The following DNAAF9 variants were observed in gnomAD, a reference collection of about 807,000 sequenced individuals.
The protein encoded by DNAAF9 is dynein axonemal assembly factor 9, also known as shulin.
Under a neutral mutation model 167.0 loss-of-function variants are expected in DNAAF9, and 90 were observed. The ratio of observed to expected loss-of-function variants is 0.54; its 90% CI spans 0.45 to 0.64. The LOEUF (loss-of-function observed/expected upper bound fraction) is 0.64. DNAAF9 is among the 30% of genes least tolerant of loss of function. The pLI, the probability that DNAAF9 is intolerant of heterozygous loss-of-function variation, is 0.00. For missense variants in DNAAF9, 1,315 were observed against 1,442.2 expected, an observed-to-expected ratio of 0.91 and a Z score of 1.43; for synonymous variants, 491 against 508.8, an observed-to-expected ratio of 0.96 and a Z score of 0.47.
At chr20:3,307,384 C>T (rs928713806) in intron 20 of DNAAF9, among the ~76,000 whole-genome samples, 3 of 152,162 alleles carry the variant, frequency 2.0e-5, no homozygotes, top group African/African-American at 7.2e-5. Flanking sequence ...TCAGAGCACA[C>T]ATGAGATAAG....
intron 7 of DNAAF9, among the ~76,000 whole-genome samples, chr20:3,355,676 T>G (rs2083275413): frequency 6.6e-6 from 1 of 152,188 alleles, no homozygotes; most frequent in South Asian, 2.1e-4. Flanking sequence ...GAGGAAAAAT[T>G]CATATAGCAA....
chr20:3,384,026 C>G (rs769438967), intron 1 of DNAAF9, among the ~76,000 whole-genome samples: 4 of 152,082 alleles, frequency 2.6e-5, no homozygotes, highest in Non-Finnish European at 5.9e-5. Context: ...TGAACTCGAC[C>G]TCAAGTGATC....
intron 10 of DNAAF9, among the ~76,000 whole-genome samples, chr20:3,335,711 C>CATG (rs2069925888): frequency 7.4e-6 from 1 of 135,218 alleles, no homozygotes; most frequent in East Asian, 2.2e-4. Flanking sequence ...GAGCCGAGAT[C>CATG]ATGCCACTGC....
intron 7 of DNAAF9, among the ~76,000 whole-genome samples, chr20:3,357,644 GTTCAT>G (rs2083305775): frequency 6.6e-6 from 1 of 151,040 alleles, no homozygotes; most frequent in Non-Finnish European, 1.5e-5. Context: ...ATCTTTTACT[GTTCAT>G]TTCATTTTGT....
Position 3,343,596 on chromosome 20 carries a change from T to C in DNAAF9, c.845+80A>G, listed in dbSNP as rs553530239. 115 of 1,029,506 alleles carry C rather than the reference T, an allele frequency of 1.1e-4. 1 individual carries two copies. In the East Asian group the frequency reaches 2.7e-3, roughly 24 times the overall value. The allele number at this position is 1,029,506 out of a possible 1,614,324, so 63.8% of individuals were successfully genotyped here. A position where few individuals can be genotyped will look rare whatever the true frequency, so the allele number is the denominator to read the frequency against. Reference sequence around the variant, plus strand: ...CCTGACTCTAGCTTCTGAACTTGAATGCACCCCCACAGCCAACCCCTTTGC... The same window carrying C: ...CCTGACTCTAGCTTCTGAACTTGAACGCACCCCCACAGCCAACCCCTTTGC... On this transcript the variant is annotated intron_variant, in intron 9 of 36. Transcript: ENST00000252032.
intron 11 of DNAAF9, 113 bp downstream of exon 11, chr20:3,332,167 A>T: frequency 1.6e-6 from 1 of 634,984 alleles, no homozygotes; most frequent in Non-Finnish European, 2.9e-6. Context: ...GAGGCCCACA[A>T]ATTGGGTAAC....
chr20:3,301,270 C>T (rs970851928), intron 21 of DNAAF9, among the ~76,000 whole-genome samples: 15 of 151,688 alleles, frequency 9.9e-5, no homozygotes, highest in Non-Finnish European at 1.9e-4. Context: ...TCACTGAAAC[C>T]TCCGCCTCCC....
chr20:3,332,370 C>T lies in DNAAF9; in HGVS notation c.982-9G>A. On this transcript the variant is annotated splice_polypyrimidine_tract_variant and intron_variant, in intron 10 of 36. Coordinates refer to ENST00000252032, the MANE Select transcript of DNAAF9 (RefSeq NM_001009984.3). ...GAGACACACTGGGCTACCTGGATGT[C>T]AGAAAAAAATAAAAATAAAAAGGGG... The T allele has an allele frequency of 6.5e-7, 1 of 1,530,330 alleles. No individual in the cohort carries two copies. The highest frequency in any genetic ancestry group is 9.0e-7 in the Non-Finnish European group (1 of 1,109,456). The allele number at this position is 1,530,330 out of a possible 1,614,324, so 94.8% of individuals were successfully genotyped here.
Position 3,316,792 on chromosome 20 carries a change from A to G in DNAAF9, c.1470T>C (p.Asp490=), listed in dbSNP as rs975726214. ...LTSQILVKEK[D]GTVTTETSSV... ...AGCTGGTTTCTGTGGTAACAGTGCC[A>G]TCTGCAGGAACACCACACACATGCC... The change falls in exon 18 of 37, where the codon GAT becomes GAC. Residue 490 remains aspartate, a splice_region_variant and synonymous_variant. Coordinates refer to ENST00000252032, the MANE Select transcript of DNAAF9 (RefSeq NM_001009984.3). The G allele has an allele frequency of 3.1e-6, 5 of 1,612,108 alleles. No homozygotes were observed. Among genetic ancestry groups the G allele is most frequent in the Non-Finnish European group, 4.2e-6 (5 of 1,178,684 alleles).
At chr20:3,319,647 C>T (rs945436630) in intron 16 of DNAAF9, among the ~76,000 whole-genome samples, 1 of 152,060 alleles carries the variant, frequency 6.6e-6, no homozygotes, top group Admixed American at 6.6e-5. Context: ...GACGCCTGTC[C>T]CACCCCTTAG....
At position 3,404,346 on chromosome 20, in the gene DNAAF9, T is replaced by C. The variant is rs116316435; in HGVS notation, c.83+3129A>G. 4.1e-3 allele frequency among the ~76,000 whole-genome samples: 622 copies of C among 152,220 alleles called. 8 individuals carry two copies. The highest frequency in any genetic ancestry group is 0.014 in the African/African-American group (594 of 41,536). ...CCACCGTGCCCAGCCTGATTACTAG[T>C]TCTCATCACACTGTCAACAATCTCA... On this transcript the variant is annotated intron_variant, in intron 1 of 36. Coordinates refer to ENST00000252032, the MANE Select transcript of DNAAF9 (RefSeq NM_001009984.3).
chr20:3,287,961 G>A (rs543820979), intron 26 of DNAAF9, among the ~76,000 whole-genome samples, 171 bp from the exon 27 acceptor site: 1 of 152,320 alleles, frequency 6.6e-6, no homozygotes, highest in East Asian at 1.9e-4. Flanking sequence ...GCACTGGATG[G>A]GTTGGAAGCC....
At chr20:3,291,622 C>T (rs1031607622) in intron 25 of DNAAF9, among the ~76,000 whole-genome samples, 8 of 152,176 alleles carry the variant, frequency 5.3e-5, no homozygotes, top group Non-Finnish European at 8.8e-5. Flanking sequence ...GGATTACAGG[C>T]GTGAGCCACC....
At chr20:3,264,355 TTCTC>T (rs779106630) in intron 31 of DNAAF9, 79 bp downstream of exon 31, 71 of 749,106 alleles carry the variant, frequency 9.5e-5, no homozygotes, top group Admixed American at 1.8e-4. Flanking sequence ...TATTTTCACC[TTCTC>T]TCTTTTTTTT....
intron 5 of DNAAF9, among the ~76,000 whole-genome samples, 168 bp from the exon 6 acceptor site, chr20:3,374,322 T>C (rs1440940565): frequency 6.6e-6 from 1 of 152,158 alleles, no homozygotes; most frequent in African/African-American, 2.4e-5. Context: ...AAACTAGAAA[T>C]ACAAAATGAA....
intron 14 of DNAAF9, 117 bp from the exon 15 acceptor site, chr20:3,322,813 C>T (rs978809404): frequency 1.1e-5 from 9 of 796,788 alleles, no homozygotes; most frequent in African/African-American, 3.4e-5. Context: ...GTCATCCTTG[C>T]TTTACACAGA....
At chr20:3,295,762 C>A in intron 23 of DNAAF9, 1 of 715,626 alleles carries the variant, frequency 1.4e-6, no homozygotes, top group South Asian at 1.3e-5. Flanking sequence ...TTCTGGAAGT[C>A]CTCCTTGTCC....
At position 3,298,182 on chromosome 20, in the gene DNAAF9, C is replaced by T. The variant is rs181055528; in HGVS notation, c.1783-7G>A. ...CAACAGTACTGGTGGAATCCTAAAG[C>T]GAAAAGGAGGGAGCATCAGCAAGAA... On this transcript the variant is annotated splice_region_variant and splice_polypyrimidine_tract_variant and intron_variant, in intron 21 of 36. Coordinates refer to ENST00000252032, the MANE Select transcript of DNAAF9 (RefSeq NM_001009984.3). 37 of 1,610,026 alleles carry T rather than the reference C, an allele frequency of 2.3e-5. No individual in the cohort carries two copies. The highest frequency in any genetic ancestry group is 1.7e-4 in the Middle Eastern group (1 of 6,044).
chr20:3,313,705 T>C (rs983628605), intron 20 of DNAAF9, among the ~76,000 whole-genome samples: 8 of 152,146 alleles, frequency 5.3e-5, no homozygotes, highest in Non-Finnish European at 8.8e-5. Context: ...ACAGATAACA[T>C]ATAAAATTGA....
Sources: allele counts gnomAD v4.1 joint callset (sites outside exome capture counted in the v4.1 genomes callset), GRCh38; gene constraint gnomAD v4.1.1; transcripts MANE v1.5; gene names NCBI Gene and HGNC (gene_info 2026-07-23, HGNC 2026-07-21).